PTPN20: variants seen among roughly 807,000 people sequenced by gnomAD.
The protein encoded by PTPN20 is protein tyrosine phosphatase non-receptor type 20, also known as tyrosine-protein phosphatase non-receptor type 20.
PTPN20 carries 9 observed loss-of-function variants against 35.0 expected under a neutral mutation model. That is an observed-to-expected ratio of 0.26 (90% confidence interval 0.15 to 0.45). The LOEUF (loss-of-function observed/expected upper bound fraction) is 0.45. Ranked by LOEUF, PTPN20 falls within the 20% of genes least tolerant of loss-of-function variation. PTPN20 has a pLI of 1.00. For synonymous variants in PTPN20, 32 were observed against 100.2 expected (o/e 0.32, Z 4.06); for missense variants, 111 against 312.5 (o/e 0.36, Z 4.86).
chr10:46,951,457 C>T (rs1274520158), intron 5 of PTPN20, among the ~76,000 whole-genome samples: 1 of 152,234 alleles, frequency 6.6e-6, no homozygotes, highest in Non-Finnish European at 1.5e-5. Context: ...ACCCTCAATT[C>T]TATACCTTAA....
intron 5 of PTPN20, among the ~76,000 whole-genome samples, chr10:46,950,865 T>A (rs2046422949): frequency 6.6e-6 from 1 of 151,960 alleles, no homozygotes; most frequent in African/African-American, 2.4e-5. Flanking sequence ...ACAATTACCC[T>A]GCAACCATAG....
Position 47,001,851 on chromosome 10 carries a change from G to A in PTPN20, c.*1110G>A, listed in dbSNP as rs1439132007. The stretch of plus-strand genomic sequence containing the variant: ...TAATTTTATTATAGGACTTTGCCTC[G>A]TACAATTAATAGTGATATTTTGGAC... On this transcript the variant is annotated 3_prime_UTR_variant, in exon 11 of 11. Transcript: ENST00000374339. 5.3e-5 allele frequency: 8 copies of A among 152,008 alleles called. No individual in the cohort carries two copies. The highest frequency in any genetic ancestry group is 1.2e-4 in the African/African-American group (5 of 41,426). The allele number at this position is 152,008 out of a possible 1,614,324, so 9.4% of individuals were successfully genotyped here. A position where few individuals can be genotyped will look rare whatever the true frequency, so the allele number is the denominator to read the frequency against.
chr10:46,949,816 A>C (rs1390576864), intron 5 of PTPN20, among the ~76,000 whole-genome samples: 4 of 78,340 alleles, frequency 5.1e-5, no homozygotes, highest in Non-Finnish European at 2.3e-5. Flanking sequence ...GGCTCCTCCT[A>C]GGGTCTGTTA....
intron 9 of PTPN20, among the ~76,000 whole-genome samples, chr10:46,992,948 A>G (rs1221346030): frequency 1.3e-5 from 2 of 152,126 alleles, no homozygotes; most frequent in Non-Finnish European, 2.9e-5. Context: ...TAAGCTGAGT[A>G]TAGTCAGTTG....
intron 5 of PTPN20, among the ~76,000 whole-genome samples, chr10:46,963,699 CT>C (rs2050040837): frequency 1.0e-5 from 1 of 95,756 alleles, no homozygotes; most frequent in African/African-American, 6.1e-5. Flanking sequence ...CTGGAAGGAT[CT>C]TACTATGGAA....
At position 47,000,814 on chromosome 10, in the gene PTPN20, C is replaced by T. The variant is rs1422462708; in HGVS notation, c.*73C>T. Reference sequence around the variant, plus strand: ...CCTCCTCATAAAGAACATGTTTGCACTGTGCTGAAGGGCTTTGCTATGCAT... The same window carrying T: ...CCTCCTCATAAAGAACATGTTTGCATTGTGCTGAAGGGCTTTGCTATGCAT... On this transcript the variant is annotated 3_prime_UTR_variant, in exon 11 of 11. Coordinates refer to ENST00000374339, the MANE Select transcript of PTPN20 (RefSeq NM_001042357.5). The T allele has an allele frequency of 4.5e-6, 7 of 1,567,740 alleles. No individual in the cohort carries two copies. The highest frequency in any genetic ancestry group is 6.2e-6 in the Non-Finnish European group (7 of 1,138,140).
chr10:46,979,936 A>C (rs1186550968), intron 7 of PTPN20, among the ~76,000 whole-genome samples: 2 of 150,758 alleles, frequency 1.3e-5, no homozygotes, highest in African/African-American at 4.8e-5. Flanking sequence ...CAGGGATCTC[A>C]ATCACCTTTC....
At chr10:46,941,166 A>C (rs1335475346) in intron 3 of PTPN20, among the ~76,000 whole-genome samples, 2 of 151,256 alleles carry the variant, frequency 1.3e-5, no homozygotes, top group African/African-American at 2.5e-5. Context: ...GCACAAAAAA[A>C]GGGAAATGCA....
chr10:46,947,419 A>AAAATGC (rs1486883339), intron 5 of PTPN20, among the ~76,000 whole-genome samples: 3 of 150,924 alleles, frequency 2.0e-5, no homozygotes, highest in Non-Finnish European at 4.4e-5. Flanking sequence ...TGCAATTATT[A>AAAATGC]AAATGCAGAT....
At chr10:46,999,997 A>G (rs1463567723) in intron 10 of PTPN20, 23 bp downstream of exon 10, 1 of 1,613,438 alleles carries the variant, frequency 6.2e-7, no homozygotes, top group African/African-American at 1.3e-5. Context: ...CACATACATA[A>G]TAATAAGAAT....
chr10:46,954,100 TG>T (rs1208826756), intron 5 of PTPN20, among the ~76,000 whole-genome samples: 3,224 of 96,846 alleles, frequency 0.033, 901 homozygotes, highest in African/African-American at 0.16. Context: ...TTTTTTTTTT[TG>T]GGGGGGGGTG....
chr10:46,928,436 G>A (rs2038424035), intron 1 of PTPN20, among the ~76,000 whole-genome samples: 2 of 151,914 alleles, frequency 1.3e-5, no homozygotes, highest in South Asian at 4.2e-4. Flanking sequence ...TTTTAACCTT[G>A]CAAGTAAAGA....
At chr10:46,923,578 CTA>C (rs1237072436) in intron 1 of PTPN20, among the ~76,000 whole-genome samples, 1 of 151,314 alleles carries the variant, frequency 6.6e-6, no homozygotes, top group Non-Finnish European at 1.5e-5. Context: ...ATCTATTTGT[CTA>C]TTCTTTCAAC....
At chr10:46,980,047 C>T (rs1272759598) in intron 7 of PTPN20, among the ~76,000 whole-genome samples, 3 of 150,022 alleles carry the variant, frequency 2.0e-5, no homozygotes, top group Non-Finnish European at 4.5e-5. Flanking sequence ...ATTTGTCTGT[C>T]AGAGGGTAGG....
At chr10:46,925,627 G>A (rs1350016773) in intron 1 of PTPN20, among the ~76,000 whole-genome samples, 4 of 148,320 alleles carry the variant, frequency 2.7e-5, no homozygotes, top group East Asian at 2.0e-4. Context: ...AACTTATCAC[G>A]GAGAAGATGT....
At chr10:46,988,912 A>T in intron 9 of PTPN20, among the ~76,000 whole-genome samples, 2 of 143,536 alleles carry the variant, frequency 1.4e-5, no homozygotes, top group East Asian at 2.1e-4. Flanking sequence ...CTAGTTTGTT[A>T]TTGGAGTCTA....
intron 7 of PTPN20, among the ~76,000 whole-genome samples, chr10:46,982,744 ACTACTG>A (rs2055808563): frequency 6.6e-6 from 1 of 151,814 alleles, no homozygotes; most frequent in South Asian, 2.1e-4. Context: ...TACTGTAATA[ACTACTG>A]CTAACATTGT....
At chr10:46,998,343 A>G (rs1408926255) in intron 9 of PTPN20, among the ~76,000 whole-genome samples, 2 of 152,218 alleles carry the variant, frequency 1.3e-5, no homozygotes, top group Admixed American at 1.3e-4. Flanking sequence ...TGGATCTCCA[A>G]GTTATTCTGG....
intron 2 of PTPN20, among the ~76,000 whole-genome samples, chr10:46,932,909 G>GT (rs1384645599): frequency 8.4e-6 from 1 of 119,490 alleles, no homozygotes; most frequent in Non-Finnish European, 1.7e-5. Flanking sequence ...CCATAATTTT[G>GT]TTAGCTGTGA....
Sources: gnomAD v4.1 joint callset for allele counts (sites outside exome capture counted in the v4.1 genomes callset) on GRCh38, gnomAD v4.1.1 for gene constraint, MANE v1.5 for transcripts, NCBI Gene and HGNC (gene_info 2026-07-23, HGNC 2026-07-21) for gene names.